The following MAGI2 variants were observed in gnomAD, a reference collection of about 807,000 sequenced individuals.
MAGI2 encodes membrane-associated guanylate kinase, WW and PDZ domain-containing protein 2.
MAGI2 carries 35 observed loss-of-function variants against 133.3 expected under a neutral mutation model. The ratio of observed to expected loss-of-function variants is 0.26; its 90% CI spans 0.20 to 0.35. MAGI2 has a LOEUF of 0.35. MAGI2 is among the 10% of genes least tolerant of loss of function. The probability of loss-of-function intolerance (pLI) is 1.00; values close to 1 mark genes in which losing one functional copy is unlikely to be tolerated. For missense variants in MAGI2, 1,636 were observed against 1,863.4 expected (o/e 0.88, Z 2.25); for synonymous variants, 729 against 710.6 (o/e 1.03, Z -0.41).
Position 78,220,074 on chromosome 7 carries a change from C to T in MAGI2, c.2048-18881G>A, listed in dbSNP as rs7457942. Among the ~76,000 whole-genome samples, 756 of 152,226 alleles carry T rather than the reference C, an allele frequency of 5.0e-3. 5 individuals are homozygous for T. The highest frequency in any genetic ancestry group is 0.015 in the African/African-American group (635 of 41,522). Reference sequence around the variant, plus strand: ...AACCTACTCCATGACCTGGCCCTGCCTGCAGCTCCAGCCCCACTGCTTACA... The same window carrying T: ...AACCTACTCCATGACCTGGCCCTGCTTGCAGCTCCAGCCCCACTGCTTACA... On this transcript the variant is annotated intron_variant, in intron 10 of 21. Transcript: ENST00000354212.
intron 1 of MAGI2, among the ~76,000 whole-genome samples, chr7:79,325,703 T>C (rs888972783): frequency 6.6e-6 from 1 of 152,164 alleles, no homozygotes; most frequent in Non-Finnish European, 1.5e-5. Context: ...GAGGGTGTAA[T>C]GAAATCCTCA....
At chr7:78,542,594 C>T (rs913616009) in intron 3 of MAGI2, among the ~76,000 whole-genome samples, 7 of 152,072 alleles carry the variant, frequency 4.6e-5, no homozygotes. Flanking sequence ...TGAAAATTTG[C>T]CCACTATATG....
chr7:78,145,654 C>T (rs1823237010), intron 16 of MAGI2, among the ~76,000 whole-genome samples: 1 of 152,180 alleles, frequency 6.6e-6, no homozygotes, highest in East Asian at 1.9e-4. Flanking sequence ...CAAGAAGGCC[C>T]TTGCCAGATG....
intron 2 of MAGI2, among the ~76,000 whole-genome samples, chr7:78,981,323 G>A (rs377199713): frequency 4.6e-5 from 7 of 151,066 alleles, no homozygotes; most frequent in East Asian, 2.0e-4. Context: ...CATAGTTTTC[G>A]TCTCTTTATC....
intron 3 of MAGI2, among the ~76,000 whole-genome samples, chr7:78,607,986 T>A (rs1806007901): frequency 6.6e-6 from 1 of 152,342 alleles, no homozygotes; most frequent in Admixed American, 6.5e-5. Flanking sequence ...TGTTGGCTTC[T>A]CTTGAACATG....
chr7:78,453,341 G>T (rs1246406275), intron 6 of MAGI2, among the ~76,000 whole-genome samples: 1 of 152,114 alleles, frequency 6.6e-6, no homozygotes, highest in Non-Finnish European at 1.5e-5. Context: ...CTTTCTTCAG[G>T]GATAAAAGGA....
chr7:78,377,478 C>A (rs1794547496), intron 6 of MAGI2, among the ~76,000 whole-genome samples: 1 of 151,548 alleles, frequency 6.6e-6, no homozygotes, highest in Non-Finnish European at 1.5e-5. Flanking sequence ...TGACAGTGAG[C>A]AGAATAACAT....
intron 2 of MAGI2, among the ~76,000 whole-genome samples, chr7:78,797,394 C>A (rs1787703704): frequency 6.6e-6 from 1 of 151,994 alleles, no homozygotes; most frequent in Non-Finnish European, 1.5e-5. Flanking sequence ...TCTAGAAACC[C>A]TAAATTCCAT....
intron 2 of MAGI2, among the ~76,000 whole-genome samples, chr7:78,728,540 C>G (rs1228224534): frequency 1.7e-5 from 1 of 60,072 alleles, no homozygotes; most frequent in African/African-American, 7.3e-5. Context: ...TTTCTCTGAT[C>G]TTTTTTTTTT....
chr7:79,031,718 ATTTAG>A (rs1215964113), intron 1 of MAGI2, among the ~76,000 whole-genome samples: 1 of 152,214 alleles, frequency 6.6e-6, no homozygotes, highest in African/African-American at 2.4e-5. Flanking sequence ...TAAAATGTAT[ATTTAG>A]TTTCTCCTAT....
intron 5 of MAGI2, among the ~76,000 whole-genome samples, chr7:78,492,244 A>G (rs1563078317): frequency 6.6e-6 from 1 of 151,834 alleles, no homozygotes; most frequent in East Asian, 1.9e-4. Context: ...TTACAGGCTG[A>G]TTTTTTTTAG....
intron 2 of MAGI2, among the ~76,000 whole-genome samples, chr7:78,939,457 A>T (rs1406517888): frequency 6.6e-6 from 1 of 152,174 alleles, no homozygotes; most frequent in Non-Finnish European, 1.5e-5. Flanking sequence ...TATGGTAGGC[A>T]GCTCCATTTG....
At chr7:79,340,952 G>A (rs1337617364) in intron 1 of MAGI2, among the ~76,000 whole-genome samples, 6 of 152,156 alleles carry the variant, frequency 3.9e-5, no homozygotes, top group Admixed American at 3.3e-4. Flanking sequence ...TCTGGCACAG[G>A]GTCATCCTTG....
At chr7:79,166,993 C>T (rs1006688935) in intron 1 of MAGI2, among the ~76,000 whole-genome samples, 1 of 151,954 alleles carries the variant, frequency 6.6e-6, no homozygotes, top group East Asian at 1.9e-4. Flanking sequence ...GGAAGGTATA[C>T]TACTCCTCAG....
intron 1 of MAGI2, among the ~76,000 whole-genome samples, chr7:79,192,810 A>C (rs2364345): frequency 0.011 from 1,610 of 151,986 alleles, 84 homozygotes; most frequent in Admixed American, 0.075. Context: ...AATAGTTTAA[A>C]TCAGAGGCAT....
chr7:78,989,630 C>T (rs111648087), intron 2 of MAGI2, among the ~76,000 whole-genome samples: 1 of 152,056 alleles, frequency 6.6e-6, no homozygotes. Flanking sequence ...GCTCCTCCCC[C>T]TGTATCCGAG....
At chr7:78,131,314 A>G (rs566199297) in intron 18 of MAGI2, among the ~76,000 whole-genome samples, 4 of 152,330 alleles carry the variant, frequency 2.6e-5, no homozygotes, top group Admixed American at 2.0e-4. Context: ...ATATTTAAAA[A>G]CATAAGCAGC....
intron 1 of MAGI2, among the ~76,000 whole-genome samples, chr7:79,066,009 C>T (rs770867861): frequency 1.6e-4 from 24 of 152,134 alleles, no homozygotes; most frequent in African/African-American, 4.8e-4. Flanking sequence ...TGAACAGTCC[C>T]GCAGTAAACA....
intron 2 of MAGI2, among the ~76,000 whole-genome samples, chr7:78,952,423 C>G (rs1308664514): frequency 6.6e-6 from 1 of 152,074 alleles, no homozygotes; most frequent in East Asian, 1.9e-4. Context: ...CAAGAAAAAA[C>G]TGTTTTCATC....
Sources: allele counts gnomAD v4.1 joint callset (sites outside exome capture counted in the v4.1 genomes callset), GRCh38; gene constraint gnomAD v4.1.1; transcripts MANE v1.5; gene names NCBI Gene and HGNC (gene_info 2026-07-23, HGNC 2026-07-21).